Variants in ZNF431 observed in about 807,000 individuals in gnomAD.
ZNF431 encodes zinc finger protein 431.
ZNF431 carries 34 observed loss-of-function variants against 57.0 expected under a neutral mutation model. The observed-to-expected ratio is 0.60, with a 90% CI of 0.45 to 0.79. ZNF431 has a LOEUF of 0.79. Ranked by LOEUF, ZNF431 falls within the 30% of genes least tolerant of loss-of-function variation. ZNF431 has a pLI of 0.00. For missense variants in ZNF431, 607 were observed against 667.1 expected (o/e 0.91, Z 0.99); for synonymous variants, 207 against 220.3 (o/e 0.94, Z 0.54).
Position 21,183,238 on chromosome 19 carries a change from G to C in ZNF431, c.935G>C (p.Gly312Ala). 6.2e-7 allele frequency: 1 copy of C among 1,614,066 alleles called. No homozygotes were observed. The highest frequency in any genetic ancestry group is 8.5e-7 in the Non-Finnish European group (1 of 1,179,966). The part of the protein sequence containing the change: ...HLTTHKIIHT[G>A]EKPYKCEECG... ...ACTACACATAAGATAATTCATACTG[G>C]AGAGAAGCCCTACAAATGTGAAGAA... The change falls in exon 5 of 5, where the codon GGA becomes GCA. Residue 312 changes from glycine to alanine, a missense_variant. Gly to Ala is a moderately conservative substitution (Grantham distance 60, BLOSUM62 0). Coordinates refer to ENST00000311048, the MANE Select transcript of ZNF431 (RefSeq NM_133473.4).
intron 4 of ZNF431, among the ~76,000 whole-genome samples, chr19:21,177,169 A>T (rs1290996594): frequency 6.6e-6 from 1 of 152,130 alleles, no homozygotes; most frequent in African/African-American, 2.4e-5. Context: ...TTTGGGTTTC[A>T]CATTTAAGTC....
chr19:21,175,805 T>A (rs1191080836), intron 4 of ZNF431, among the ~76,000 whole-genome samples: 1 of 152,232 alleles, frequency 6.6e-6, no homozygotes, highest in Non-Finnish European at 1.5e-5. Context: ...TGTACCACAT[T>A]TTCTTTATCC....
Position 21,142,080 on chromosome 19 carries a change from GCT to G in ZNF431, c.-101_-100del. The G allele has an allele frequency of 6.7e-7, 1 of 1,497,702 alleles. No individual in the cohort carries two copies. The highest frequency in any genetic ancestry group is 9.3e-7 in the Non-Finnish European group (1 of 1,080,446). The allele number at this position is 1,497,702 out of a possible 1,614,324, so 92.8% of individuals were successfully genotyped here. A position where few individuals can be genotyped will look rare whatever the true frequency, so the allele number is the denominator to read the frequency against. On this transcript the variant is annotated 5_prime_UTR_variant, in exon 1 of 5. Coordinates refer to ENST00000311048, the MANE Select transcript of ZNF431 (RefSeq NM_133473.4). ...CTGAGCTCCAGGTCTCCCCTTCGCT[GCT>G]CTGTGTCCTCTGCTCCTAGAGGCCC...
At chr19:21,166,622 C>T (rs1205278824) in intron 3 of ZNF431, among the ~76,000 whole-genome samples, 161 bp downstream of exon 3, 1 of 152,106 alleles carries the variant, frequency 6.6e-6, no homozygotes, top group African/African-American at 2.4e-5. Flanking sequence ...AGAATTTCTT[C>T]AACGTGTTTC....
At position 21,175,803 on chromosome 19, in the gene ZNF431, A is replaced by G. The variant is rs548734068; in HGVS notation, c.320-6820A>G. Among the ~76,000 whole-genome samples the G allele has an allele frequency of 3.1e-3, 469 of 152,116 alleles. 2 individuals carry two copies. Among genetic ancestry groups the G allele is most frequent in the Middle Eastern group, 0.01 (3 of 294 alleles). On this transcript the variant is annotated intron_variant, in intron 4 of 4. Transcript: ENST00000311048. ...TTAGTCTATGGTGCATATGTACCAC[A>G]TTTTCTTTATCCAGTCTGTCATAGA...
At chr19:21,166,001 T>C (rs1028044470) in intron 2 of ZNF431, among the ~76,000 whole-genome samples, 4 of 152,212 alleles carry the variant, frequency 2.6e-5, no homozygotes, top group Middle Eastern at 3.2e-3. Flanking sequence ...CAACATGTTT[T>C]TCTTTGTCTG....
Position 21,192,948 on chromosome 19 carries a change from C to T in ZNF431, c.*8914C>T, listed in dbSNP as rs1170228449. 6.6e-6 allele frequency: 1 copy of T among 151,898 alleles called. No individual in the cohort carries two copies. The highest frequency in any genetic ancestry group is 1.5e-5 in the Non-Finnish European group (1 of 67,996). 9.4% of individuals were successfully genotyped at this position (151,898 alleles called of 1,614,324 possible). ...ACTACTATGAACATCTCTATGCCTGCAAAATAGAAAATTTGGAGAAAATAA... is the reference window on the plus strand; with the variant it reads ...ACTACTATGAACATCTCTATGCCTGTAAAATAGAAAATTTGGAGAAAATAA... On this transcript the variant is annotated 3_prime_UTR_variant, in exon 5 of 5. Transcript: ENST00000311048.
chr19:21,166,515 C>T, intron 3 of ZNF431, 54 bp downstream of exon 3: 1 of 1,522,786 alleles, frequency 6.6e-7, no homozygotes, highest in South Asian at 1.3e-5. Flanking sequence ...TTTCATGTCT[C>T]TTTTTTTGTA....
intron 2 of ZNF431, among the ~76,000 whole-genome samples, chr19:21,157,774 C>T (rs552204700): frequency 2.6e-5 from 4 of 151,920 alleles, no homozygotes; most frequent in African/African-American, 7.2e-5. Flanking sequence ...ATGATCCGCC[C>T]GCCTCGGCCT....
intron 2 of ZNF431, among the ~76,000 whole-genome samples, chr19:21,146,899 A>C (rs543990523): frequency 6.6e-6 from 1 of 152,304 alleles, no homozygotes; most frequent in Admixed American, 6.5e-5. Context: ...ACAAGGGCAC[A>C]CTTAATCCTG....
chr19:21,193,821 T>A lies in ZNF431; in HGVS notation c.*9787T>A, dbSNP rs904344743. On this transcript the variant is annotated 3_prime_UTR_variant, in exon 5 of 5. Transcript: ENST00000311048. ...AACACAATAGATGCAGAAAAAGCAT[T>A]CAAGAAAATCCAGTATTCATTTATG... is the stretch of plus-strand genomic sequence containing the variant. 6.6e-6 allele frequency: 1 copy of A among 152,138 alleles called. No homozygotes were observed. The highest frequency in any genetic ancestry group is 1.5e-5 in the Non-Finnish European group (1 of 68,010). 9.4% of individuals were successfully genotyped at this position (152,138 alleles called of 1,614,324 possible).
rs1378513187 is a variant in ZNF431, at chr19:21,183,415, C to G, written c.1112C>G (p.Ser371Cys). 6.2e-7 allele frequency: 1 copy of G among 1,613,644 alleles called. No individual in the cohort carries two copies. The highest frequency in any genetic ancestry group is 8.5e-7 in the Non-Finnish European group (1 of 1,179,780). ...AAGATAATTCATACTGGAGAAAAAT[C>G]TTACAAATGTGAAGAATGTGGCAAA... ...KHKIIHTGEK[S>C]YKCEECGKGF... Residue 371 changes from serine (S) to cysteine (C), a missense_variant, in exon 5 of 5, where the codon TCT becomes TGT. Transcript: ENST00000311048.
chr19:21,169,731 A>G, intron 4 of ZNF431: 1 of 398,522 alleles, frequency 2.5e-6, no homozygotes, highest in Non-Finnish European at 4.4e-6. Context: ...CCCTATCAGG[A>G]TGTGAATGGG....
In ZNF431 at chr19:21,188,613, A is replaced by G. The variant is rs1002633719; in HGVS notation, c.*4579A>G. 38 of 152,116 alleles carry G rather than the reference A, an allele frequency of 2.5e-4. No individual in the cohort carries two copies. Among genetic ancestry groups the G allele is most frequent in the Non-Finnish European group, 1.2e-4 (8 of 68,006 alleles). The allele number at this position is 152,116 out of a possible 1,614,324, so 9.4% of individuals were successfully genotyped here. A position where few individuals can be genotyped will look rare whatever the true frequency, so the allele number is the denominator to read the frequency against. ...ATTTTACAATTTGGAGAAATTTTTC[A>G]CTCATTTTTTATATATTTTTTAGTG... On this transcript the variant is annotated 3_prime_UTR_variant, in exon 5 of 5. Coordinates refer to ENST00000311048, the MANE Select transcript of ZNF431 (RefSeq NM_133473.4).
intron 2 of ZNF431, among the ~76,000 whole-genome samples, chr19:21,158,071 C>T (rs748575529): frequency 9.9e-5 from 15 of 152,054 alleles, no homozygotes; most frequent in Admixed American, 2.0e-4. Flanking sequence ...TAGTTAACAG[C>T]GTTTTGGTAG....
chr19:21,146,703 A>G (rs1428901084), intron 2 of ZNF431, among the ~76,000 whole-genome samples: 2 of 152,076 alleles, frequency 1.3e-5, no homozygotes, highest in African/African-American at 4.8e-5. Context: ...TGACTTCTTT[A>G]TTGCAACCTG....
chr19:21,167,710 C>CT (rs776008305), intron 4 of ZNF431, 44 bp downstream of exon 4: 100 of 1,380,732 alleles, frequency 7.2e-5, no homozygotes, highest in Non-Finnish European at 9.3e-5. Context: ...ATGAGAGGTC[C>CT]AAAGCTTAAA....
At chr19:21,174,224 C>T (rs1599609100) in intron 4 of ZNF431, among the ~76,000 whole-genome samples, 3 of 152,304 alleles carry the variant, frequency 2.0e-5, no homozygotes, top group East Asian at 3.9e-4. Context: ...TTGTAAGTTA[C>T]ACACTCAGGT....
At chr19:21,164,781 T>C (rs1164310299) in intron 2 of ZNF431, among the ~76,000 whole-genome samples, 1 of 151,970 alleles carries the variant, frequency 6.6e-6, no homozygotes, top group African/African-American at 2.4e-5. Context: ...TCAGGTACTT[T>C]AAAAAATTCT....
Sources: allele counts gnomAD v4.1 joint callset (sites outside exome capture counted in the v4.1 genomes callset), GRCh38; gene constraint gnomAD v4.1.1; transcripts MANE v1.5; gene names NCBI Gene and HGNC (gene_info 2026-07-23, HGNC 2026-07-21).